FBN2: variants seen among roughly 807,000 people sequenced by gnomAD.
FBN2 encodes the protein fibrillin-2.
Under a neutral mutation model 355.6 loss-of-function variants are expected in FBN2, and 105 were observed. That is an observed-to-expected ratio of 0.30 (90% CI 0.25 to 0.35). FBN2 has a LOEUF of 0.35. Ranked by LOEUF, FBN2 falls within the 10% of genes least tolerant of loss-of-function variation. The pLI, the probability that FBN2 is intolerant of heterozygous loss-of-function variation, is 1.00. For synonymous variants in FBN2, 1,350 were observed against 1,301.2 expected, an observed-to-expected ratio of 1.04 and a Z score of -0.81; for missense variants, 3,280 against 3,758.7, an observed-to-expected ratio of 0.87 and a Z score of 3.33.
Position 128,305,699 on chromosome 5 carries a change from C to A in FBN2, c.5549-63G>T, listed in dbSNP as rs946136396. The A allele has an allele frequency of 7.5e-6, 12 of 1,601,234 alleles. No homozygotes were observed. The African/African-American group carries it at 1.5e-4, about 20-fold the overall frequency. On this transcript the variant is annotated intron_variant, in intron 43 of 64. Coordinates refer to ENST00000262464, the MANE Select transcript of FBN2 (RefSeq NM_001999.4). ...TAGTATTGTATTAGCATTACATTCACGTCACACTTTGATGATCAACTCTTG... is the reference window on the plus strand; with the variant it reads ...TAGTATTGTATTAGCATTACATTCAAGTCACACTTTGATGATCAACTCTTG...
rs960902797 is a variant in FBN2, at chr5:128,263,361, G to A, written c.8192+64C>T. 1.9e-5 allele frequency: 23 copies of A among 1,204,324 alleles called. No homozygotes were observed. The Admixed American group carries it at 2.4e-4, about 12-fold the overall frequency. The allele number at this position is 1,204,324 out of a possible 1,614,324, so 74.6% of individuals were successfully genotyped here. A position where few individuals can be genotyped will look rare whatever the true frequency, so the allele number is the denominator to read the frequency against. On this transcript the variant is annotated intron_variant, in intron 63 of 64. Coordinates refer to ENST00000262464, the MANE Select transcript of FBN2 (RefSeq NM_001999.4). ...CACTGTACTCTTCCCTGCAGTGGGG[G>A]GTGGCCTGAACTCACTCAGGAACCA...
intron 48 of FBN2, among the ~76,000 whole-genome samples, chr5:128,295,678 A>C (rs535030606): frequency 8.3e-6 from 1 of 120,846 alleles, no homozygotes; most frequent in East Asian, 2.2e-4. Context: ...ATTTTTGTAC[A>C]TTGATTTTGT....
At chr5:128,508,899 G>A (rs575431646) in intron 5 of FBN2, among the ~76,000 whole-genome samples, 2 of 152,022 alleles carry the variant, frequency 1.3e-5, no homozygotes, top group South Asian at 4.2e-4. Context: ...TTCAACTTTA[G>A]TGCTCTAAAT....
intron 4 of FBN2, among the ~76,000 whole-genome samples, chr5:128,521,928 A>G (rs774256990): frequency 2.6e-5 from 4 of 152,220 alleles, no homozygotes; most frequent in African/African-American, 4.8e-5. Flanking sequence ...CCTTCTCACT[A>G]AAGATTTTTG....
intron 58 of FBN2, 66 bp from the exon 59 acceptor site, chr5:128,276,226 C>T: frequency 6.6e-7 from 1 of 1,516,252 alleles, no homozygotes; most frequent in Non-Finnish European, 9.2e-7. Context: ...TTTCCTCCTT[C>T]CATATTCTCA....
intron 5 of FBN2, among the ~76,000 whole-genome samples, chr5:128,484,699 T>C (rs981506476): frequency 6.6e-6 from 1 of 152,186 alleles, no homozygotes; most frequent in African/African-American, 2.4e-5. Context: ...GAAAACCTTA[T>C]AAGACATGAC....
chr5:128,259,757 C>G lies in FBN2; in HGVS notation c.8437G>C (p.Gly2813Arg). The change falls in exon 65 of 65, where the codon GGC (glycine) becomes CGC (arginine). Residue 2813 changes from glycine (G) to arginine (R), a missense_variant. By Grantham distance (125) the Gly-to-Arg change is moderately radical. Coordinates refer to ENST00000262464, the MANE Select transcript of FBN2 (RefSeq NM_001999.4). ...AGTTCCAGGATGTGCTCCTTAGAGC[C>G]GAGGTGGGAGAGGTTGAACTTCATG... ...VNMKFNLSHL[G>R]SKEHILELRP... 1 of 1,613,616 alleles carries G rather than the reference C, an allele frequency of 6.2e-7. No homozygotes were observed. Among genetic ancestry groups the G allele is most frequent in the South Asian group, 1.1e-5 (1 of 91,038 alleles).
rs1749764628 is a variant in FBN2, at chr5:128,303,074, T to G, written c.5816A>C (p.Glu1939Ala). Residue 1939 changes from glutamate to alanine, a missense_variant, in exon 46 of 65, where the codon GAG (glutamate) becomes GCG (alanine). Around this residue, in one of 6 missense-constraint regions of FBN2, gnomAD observed 2,284 missense variants for 2,749.5 expected, o/e 0.83. Coordinates refer to ENST00000262464, the MANE Select transcript of FBN2 (RefSeq NM_001999.4). ...AGTTCCATTTCCACATGGATGCCGC[T>G]CGCACTCATCAACATCTATAAAGAA... is the stretch of plus-strand genomic sequence containing the variant. Reference protein sequence around the residue: ...QTMCMDVDECERHPCGNGTCK... With the variant: ...QTMCMDVDECARHPCGNGTCK... 2 of 1,604,796 alleles carry G rather than the reference T, an allele frequency of 1.2e-6. No homozygotes were observed. The highest frequency in any genetic ancestry group is 1.7e-5 in the Admixed American group (1 of 59,962).
At position 128,279,998 on chromosome 5, in the gene FBN2, T is replaced by C. The variant is rs372504429; in HGVS notation, c.7138+194A>G. Among the ~76,000 whole-genome samples the C allele has an allele frequency of 8.5e-5, 13 of 152,346 alleles. No homozygotes were observed. In the East Asian group the frequency reaches 1.7e-3, roughly 20 times the overall value. On this transcript the variant is annotated intron_variant, in intron 56 of 64. Transcript: ENST00000262464. ...TTAAGATTGTTATTTACATTACACATAGATGTGCATATAACACACACATGT... is the reference window on the plus strand; with the variant it reads ...TTAAGATTGTTATTTACATTACACACAGATGTGCATATAACACACACATGT...
At chr5:128,363,322 T>A in intron 18 of FBN2, among the ~76,000 whole-genome samples, 1 of 152,100 alleles carries the variant, frequency 6.6e-6, no homozygotes, top group Non-Finnish European at 1.5e-5. Context: ...TCCTGGGTGC[T>A]GGGATTACAG....
intron 5 of FBN2, among the ~76,000 whole-genome samples, chr5:128,490,071 T>A (rs1294883397): frequency 1.3e-5 from 2 of 152,282 alleles, no homozygotes; most frequent in East Asian, 3.9e-4. Context: ...AGGAAAGCTA[T>A]CATATTACTT....
chr5:128,314,830 C>T (rs1405715886), intron 36 of FBN2, among the ~76,000 whole-genome samples: 2 of 152,118 alleles, frequency 1.3e-5, no homozygotes, highest in African/African-American at 4.8e-5. Context: ...TTTTGTCATA[C>T]ATCTCATTTC....
chr5:128,486,161 CTT>C (rs1413820052), intron 5 of FBN2, among the ~76,000 whole-genome samples: 4 of 122,064 alleles, frequency 3.3e-5, no homozygotes, highest in African/African-American at 1.4e-4. Context: ...CCTTAGACCT[CTT>C]TTTCTTCTTA....
At chr5:128,443,873 T>C (rs974883826) in intron 7 of FBN2, among the ~76,000 whole-genome samples, 1 of 152,132 alleles carries the variant, frequency 6.6e-6, no homozygotes, top group Admixed American at 6.5e-5. Flanking sequence ...TTGCTATAGT[T>C]ATATTTTTAT....
intron 33 of FBN2, among the ~76,000 whole-genome samples, chr5:128,329,864 C>T (rs965008717): frequency 3.3e-5 from 5 of 152,108 alleles, no homozygotes; most frequent in African/African-American, 7.2e-5. Flanking sequence ...TTCAACTTTA[C>T]GTCCAGCAAG....
At chr5:128,464,578 C>T in intron 6 of FBN2, 146 bp downstream of exon 6, 1 of 776,212 alleles carries the variant, frequency 1.3e-6, no homozygotes, top group Admixed American at 2.2e-5. Context: ...AAAAGATAAA[C>T]CTTCTCTGGT....
At chr5:128,448,174 C>T (rs1754125249) in intron 6 of FBN2, among the ~76,000 whole-genome samples, 1 of 152,100 alleles carries the variant, frequency 6.6e-6, no homozygotes, top group African/African-American at 2.4e-5. Context: ...TAAATAGTGT[C>T]CAGTGGTCCT....
At chr5:128,309,949 T>A (rs1749987109) in intron 40 of FBN2, 34 bp downstream of exon 40, 1 of 1,610,362 alleles carries the variant, frequency 6.2e-7, no homozygotes, top group Non-Finnish European at 8.5e-7. Flanking sequence ...AGTCAACAAC[T>A]GTGCTCTAAT....
chr5:128,517,090 G>GCTA (rs1756300434), intron 5 of FBN2, among the ~76,000 whole-genome samples: 3 of 152,034 alleles, frequency 2.0e-5, no homozygotes, highest in Non-Finnish European at 4.4e-5. Context: ...TGGAAAACAT[G>GCTA]CTACTGTACA....
Sources: allele counts gnomAD v4.1 joint callset (sites outside exome capture counted in the v4.1 genomes callset), GRCh38; gene constraint gnomAD v4.1.1; regional missense constraint gnomAD v4.1.1; transcripts MANE v1.5; gene names NCBI Gene and HGNC (gene_info 2026-07-23, HGNC 2026-07-21).